The following RIMS2 variants were observed in gnomAD, a reference collection of about 807,000 sequenced individuals.
RIMS2 encodes the protein regulating synaptic membrane exocytosis 2.
A neutral mutation model predicts 174.4 loss-of-function variants in RIMS2; 59 were observed. The observed-to-expected ratio is 0.34, with a 90% confidence interval of 0.27 to 0.42. The LOEUF is 0.42. RIMS2 is among the 10% of genes least tolerant of loss of function. The probability of loss-of-function intolerance (pLI) is 1.00; values close to 1 mark genes in which losing one functional copy is unlikely to be tolerated. For synonymous variants in RIMS2, 606 were observed against 572.5 expected, an observed-to-expected ratio of 1.06 and a Z score of -0.84; for missense variants, 1,620 against 1,666.3, an observed-to-expected ratio of 0.97 and a Z score of 0.48.
At chr8:103,615,358 C>G (rs1484704775) in intron 1 of RIMS2, among the ~76,000 whole-genome samples, 1 of 152,142 alleles carries the variant, frequency 6.6e-6, no homozygotes, top group East Asian at 1.9e-4. Context: ...TTACCAGAGT[C>G]TCTGAGACAC....
At chr8:104,082,361 G>C (rs2097437757) in intron 19 of RIMS2, among the ~76,000 whole-genome samples, 1 of 152,098 alleles carries the variant, frequency 6.6e-6, no homozygotes, top group Admixed American at 6.6e-5. Context: ...AGGCTGTGTT[G>C]AATGATATAA....
intron 19 of RIMS2, among the ~76,000 whole-genome samples, chr8:104,234,884 A>G (rs117891739): frequency 0.013 from 1,970 of 152,178 alleles, 13 homozygotes; most frequent in Non-Finnish European, 0.021. Context: ...CAAATCCGCA[A>G]TTTTTCACGG....
At chr8:103,555,801 A>AG (rs1850174428) in intron 1 of RIMS2, among the ~76,000 whole-genome samples, 1 of 11,168 alleles carries the variant, frequency 9.0e-5, no homozygotes, top group African/African-American at 1.0e-3. Flanking sequence ...TCTCTCTCTC[A>AG]AAAAAAAAAA....
chr8:103,856,760 A>G (rs1392297464), intron 3 of RIMS2, among the ~76,000 whole-genome samples: 1 of 152,130 alleles, frequency 6.6e-6, no homozygotes, highest in African/African-American at 2.4e-5. Context: ...TTGATTCGCC[A>G]TCTTTCAATC....
At chr8:104,015,375 T>G (rs1454858267) in intron 19 of RIMS2, 1 of 664,440 alleles carries the variant, frequency 1.5e-6, no homozygotes, top group East Asian at 2.8e-5. Flanking sequence ...GTTCCCTTTT[T>G]GTTTGTTTGT....
chr8:103,585,350 A>C (rs2093851016), intron 1 of RIMS2, among the ~76,000 whole-genome samples: 1 of 152,210 alleles, frequency 6.6e-6, no homozygotes. Flanking sequence ...TAGAACCAGA[A>C]ATACTGTTTG....
At chr8:103,642,587 T>C (rs545434213) in intron 1 of RIMS2, among the ~76,000 whole-genome samples, 1 of 152,256 alleles carries the variant, frequency 6.6e-6, no homozygotes, top group South Asian at 2.1e-4. Flanking sequence ...AAAACTTCTT[T>C]TTAATATTCC....
intron 19 of RIMS2, among the ~76,000 whole-genome samples, chr8:104,066,515 G>A (rs2097107625): frequency 1.3e-5 from 2 of 152,018 alleles, no homozygotes; most frequent in South Asian, 4.1e-4. Context: ...CCATCATTTT[G>A]TAATGTTGGG....
intron 1 of RIMS2, among the ~76,000 whole-genome samples, chr8:103,583,608 G>T (rs1005303485): frequency 3.9e-5 from 6 of 152,056 alleles, no homozygotes; most frequent in Admixed American, 3.3e-4. Flanking sequence ...TAATTAAAAA[G>T]AATCAAGACT....
intron 15 of RIMS2, among the ~76,000 whole-genome samples, chr8:103,966,458 C>A (rs1398699218): frequency 6.6e-6 from 1 of 152,016 alleles, no homozygotes. Flanking sequence ...TCCGTGGGAT[C>A]TGTAGTGATG....
At position 103,594,250 on chromosome 8, in the gene RIMS2, T is replaced by A. The variant is rs1401735292; in HGVS notation, c.176+93188T>A. Among the ~76,000 whole-genome samples the A allele has an allele frequency of 2.0e-5, 3 of 151,666 alleles. No homozygotes were observed. The East Asian group carries it at 5.8e-4, about 29-fold the overall frequency. On this transcript the variant is annotated intron_variant, in intron 1 of 23. Coordinates refer to ENST00000504942, the Ensembl canonical transcript of RIMS2. ...TTTTGTGGCCTATTTAGTGCCACAT[T>A]TTTTTTCATTTTTATGCTCTTTGTT...
At chr8:103,532,687 T>TG (rs1837758243) in intron 1 of RIMS2, among the ~76,000 whole-genome samples, 1 of 152,238 alleles carries the variant, frequency 6.6e-6, no homozygotes, top group South Asian at 2.1e-4. Flanking sequence ...TGACCAAATG[T>TG]GGCACACTTC....
At chr8:104,033,625 T>G (rs1252411210) in intron 19 of RIMS2, among the ~76,000 whole-genome samples, 1 of 152,044 alleles carries the variant, frequency 6.6e-6, no homozygotes, top group Non-Finnish European at 1.5e-5. Flanking sequence ...TAGTTTTTTT[T>G]TTGTTTTGGC....
At chr8:103,660,203 C>T (rs1021978925) in intron 1 of RIMS2, among the ~76,000 whole-genome samples, 5 of 152,180 alleles carry the variant, frequency 3.3e-5, no homozygotes, top group Non-Finnish European at 7.3e-5. Flanking sequence ...AACTGTCCTT[C>T]CAGCTGGCCA....
At chr8:103,567,385 G>A (rs2092445880) in intron 1 of RIMS2, among the ~76,000 whole-genome samples, 1 of 152,056 alleles carries the variant, frequency 6.6e-6, no homozygotes, top group South Asian at 2.1e-4. Flanking sequence ...AGATTTGTCT[G>A]TTCTCATTAC....
At chr8:103,541,608 A>G (rs1469765133) in intron 1 of RIMS2, among the ~76,000 whole-genome samples, 1 of 152,232 alleles carries the variant, frequency 6.6e-6, no homozygotes, top group Non-Finnish European at 1.5e-5. Context: ...AACACATATT[A>G]AAGTATAAAA....
chr8:104,061,177 A>T (rs1368915484), intron 19 of RIMS2, among the ~76,000 whole-genome samples: 1 of 152,166 alleles, frequency 6.6e-6, no homozygotes, highest in African/African-American at 2.4e-5. Context: ...GGGTGTTTAA[A>T]GTCTGCCGTT....
At chr8:103,745,359 T>C (rs368765508) in intron 2 of RIMS2, among the ~76,000 whole-genome samples, 1 of 152,232 alleles carries the variant, frequency 6.6e-6, no homozygotes, top group South Asian at 2.1e-4. Flanking sequence ...ACATTTTTTT[T>C]TCATTCATCA....
chr8:104,069,847 G>C (rs966661235), intron 19 of RIMS2, among the ~76,000 whole-genome samples: 1 of 152,094 alleles, frequency 6.6e-6, no homozygotes, highest in Non-Finnish European at 1.5e-5. Flanking sequence ...TCAAAGTCAT[G>C]AAAATACTTT....
Sources: gnomAD v4.1 joint callset for allele counts (sites outside exome capture counted in the v4.1 genomes callset) on GRCh38, gnomAD v4.1.1 for gene constraint, MANE v1.5 for transcripts, NCBI Gene and HGNC (gene_info 2026-07-23, HGNC 2026-07-21) for gene names.